ERV3-1: variants seen among roughly 807,000 people sequenced by gnomAD.
The protein encoded by ERV3-1 is endogenous retrovirus group 3 member 1 Env polyprotein.
A neutral mutation model predicts 24.6 loss-of-function variants in ERV3-1; 36 were observed. That is an observed-to-expected ratio of 1.47 (90% CI 1.12 to 1.94). The LOEUF (loss-of-function observed/expected upper bound fraction) is 1.94. Ranked by LOEUF, ERV3-1 falls within the 30% of genes most tolerant of loss-of-function variation. The pLI, the probability that ERV3-1 is intolerant of heterozygous loss-of-function variation, is 0.00. For missense variants in ERV3-1, 578 were observed against 330.9 expected (o/e 1.75, Z -5.79); for synonymous variants, 211 against 122.6 (o/e 1.72, Z -4.76).
chr7:64,990,438 G>C lies in ERV3-1; in HGVS notation c.*774C>G. 5.4e-6 allele frequency: 1 copy of C among 185,706 alleles called. No individual in the cohort carries two copies. Among genetic ancestry groups the C allele is most frequent in the Non-Finnish European group, 1.1e-5 (1 of 88,514 alleles). 11.5% of individuals were successfully genotyped at this position (185,706 alleles called of 1,614,324 possible). On this transcript the variant is annotated 3_prime_UTR_variant, in exon 2 of 2. Transcript: ENST00000394323. The stretch of plus-strand genomic sequence containing the variant: ...AAGGCTGAGCCCTGAACAAAGACAG[G>C]GCTTGACTTTTATACATGCATCAGG...
intron 1 of ERV3-1, among the ~76,000 whole-genome samples, chr7:64,997,973 A>G (rs951386637): frequency 1.3e-5 from 2 of 151,960 alleles, no homozygotes; most frequent in African/African-American, 4.8e-5. Flanking sequence ...CATCTGCCAC[A>G]CTCTGGTGTG....
At chr7:64,994,404 GT>G (rs1277216796) in intron 1 of ERV3-1, among the ~76,000 whole-genome samples, 1 of 152,134 alleles carries the variant, frequency 6.6e-6, no homozygotes, top group African/African-American at 2.4e-5. Flanking sequence ...ATATTTTCCA[GT>G]TTTTTGGGCA....
chr7:64,992,042 A>C lies in ERV3-1; in HGVS notation c.985T>G (p.Ser329Ala), dbSNP rs1277452668. The change falls in exon 2 of 2, where the codon TCA (serine) becomes GCA (alanine). Residue 329 changes from serine (S) to alanine (A), a missense_variant. Coordinates refer to ENST00000394323, the MANE Select transcript of ERV3-1 (RefSeq NM_001007253.4). ...LTASSLEPAPSSQSIWFLKTS... is the reference protein window; with the variant it reads ...LTASSLEPAPASQSIWFLKTS... ...TTTAAGAACCAGATGCTCTGACTTG[A>C]TGGTGCAGGTTCGAGGGAAGAGGCG... The C allele has an allele frequency of 1.3e-6, 1 of 766,402 alleles. No homozygotes were observed. The highest frequency in any genetic ancestry group is 2.4e-6 in the Non-Finnish European group (1 of 417,910). 47.5% of individuals were successfully genotyped at this position (766,402 alleles called of 1,614,324 possible).
chr7:65,005,954 T>C (rs569937066), intron 1 of ERV3-1: 1 of 152,660 alleles, frequency 6.6e-6, no homozygotes, highest in East Asian at 1.9e-4. Flanking sequence ...TCGTACAAAT[T>C]AAGAAACTAC....
At chr7:64,997,103 C>T (rs1786420041) in intron 1 of ERV3-1, among the ~76,000 whole-genome samples, 2 of 152,250 alleles carry the variant, frequency 1.3e-5, no homozygotes, top group Non-Finnish European at 2.9e-5. Flanking sequence ...TCTTGGTTGA[C>T]TTTCAGGTCT....
At position 64,992,587 on chromosome 7, in the gene ERV3-1, T is replaced by G. The variant is rs753181906; in HGVS notation, c.440A>C (p.His147Pro). Residue 147 changes from histidine to proline, a missense_variant, in exon 2 of 2, where the codon CAT becomes CCT. Coordinates refer to ENST00000394323, the MANE Select transcript of ERV3-1 (RefSeq NM_001007253.4). ...FSSMEYYSSC[H>P]KNRYAHPACS... Reference sequence around the variant, plus strand: ...AGCAGGGTGTGCATACCTATTTTTATGGCAGCTACTATAGTACTCCATGGA... The same window carrying G: ...AGCAGGGTGTGCATACCTATTTTTAGGGCAGCTACTATAGTACTCCATGGA... 1 of 766,416 alleles carries G rather than the reference T, an allele frequency of 1.3e-6. No individual in the cohort carries two copies. Among genetic ancestry groups the G allele is most frequent in the East Asian group, 2.4e-5 (1 of 41,238 alleles). 47.5% of individuals were successfully genotyped at this position (766,416 alleles called of 1,614,324 possible). A position where few individuals can be genotyped will look rare whatever the true frequency, so the allele number is the denominator to read the frequency against.
chr7:65,005,413 CAAT>C (rs1786623322), intron 1 of ERV3-1, among the ~76,000 whole-genome samples: 1 of 152,178 alleles, frequency 6.6e-6, no homozygotes, highest in Non-Finnish European at 1.5e-5. Context: ...ACATTTTTTA[CAAT>C]ACAGTGTCAG....
chr7:65,002,424 A>T (rs1786543610), intron 1 of ERV3-1, among the ~76,000 whole-genome samples: 1 of 152,216 alleles, frequency 6.6e-6, no homozygotes, highest in African/African-American at 2.4e-5. Flanking sequence ...CCAAGGTTCA[A>T]GCAATTCTCC....
At position 64,991,377 on chromosome 7, in the gene ERV3-1, A is replaced by C; in HGVS notation, c.1650T>G (p.Asn550Lys). 1.4e-6 allele frequency: 1 copy of C among 704,078 alleles called. No homozygotes were observed. Among genetic ancestry groups the C allele is most frequent in the East Asian group, 2.7e-5 (1 of 37,286 alleles). The allele number at this position is 704,078 out of a possible 1,614,324, so 43.6% of individuals were successfully genotyped here. Residue 550 changes from asparagine to lysine, a missense_variant, in exon 2 of 2, where the codon AAT becomes AAG. Coordinates refer to ENST00000394323, the MANE Select transcript of ERV3-1 (RefSeq NM_001007253.4). ...CTAGGAGGTAGTCTAAGGCCAGTCT[A>C]TTTTGATAAATGACATTTCTCATTT... ...ATKMRNVIYQ[N>K]RLALDYLLAQ...
In ERV3-1 at chr7:64,991,054, T is replaced by C; in HGVS notation, c.*158A>G. ...CATTAGTCGTGTGGTAGTCCGTCTG[T>C]CCACAAGAGCCTCTATGGCTGTTTG... On this transcript the variant is annotated 3_prime_UTR_variant, in exon 2 of 2. Coordinates refer to ENST00000394323, the MANE Select transcript of ERV3-1 (RefSeq NM_001007253.4). The C allele has an allele frequency of 1.8e-6, 1 of 568,712 alleles. No individual in the cohort carries two copies. Among genetic ancestry groups the C allele is most frequent in the Non-Finnish European group, 3.1e-6 (1 of 320,400 alleles). The allele number at this position is 568,712 out of a possible 1,614,324, so 35.2% of individuals were successfully genotyped here. A position where few individuals can be genotyped will look rare whatever the true frequency, so the allele number is the denominator to read the frequency against.
chr7:64,990,987 AAGTAGCTC>A lies in ERV3-1; in HGVS notation c.*217_*224del. ...CACTATCTTCATTTACTTCAAGAGG[AAGTAGCTC>A]TTTTCTTGGCAGGGGTTAATACTTA... On this transcript the variant is annotated 3_prime_UTR_variant, in exon 2 of 2. Coordinates refer to ENST00000394323, the MANE Select transcript of ERV3-1 (RefSeq NM_001007253.4). 2.5e-6 allele frequency: 1 copy of A among 406,836 alleles called. No individual in the cohort carries two copies. The highest frequency in any genetic ancestry group is 4.4e-6 in the Non-Finnish European group (1 of 229,392). 25.2% of individuals were successfully genotyped at this position (406,836 alleles called of 1,614,324 possible).
At position 64,992,553 on chromosome 7, in the gene ERV3-1, G is replaced by A. The variant is rs201400899; in HGVS notation, c.474C>T (p.Thr158=). The A allele has an allele frequency of 6.9e-5, 53 of 766,370 alleles. 1 individual carries two copies. Among genetic ancestry groups the A allele is most frequent in the Middle Eastern group, 2.3e-4 (1 of 4,440 alleles). The allele number at this position is 766,370 out of a possible 1,614,324, so 47.5% of individuals were successfully genotyped here. Residue 158 remains threonine (T), a synonymous_variant, in exon 2 of 2, where the codon ACC becomes ACT. Coordinates refer to ENST00000394323, the MANE Select transcript of ERV3-1 (RefSeq NM_001007253.4). ...CCCAGCAAGTTGTTACTGGGGAATC[G>A]GTGGAACAAGCAGGGTGTGCATACC... ...KNRYAHPACS[T]DSPVTTCWDC...
At chr7:65,004,528 A>C (rs1393895401) in intron 1 of ERV3-1, 1 of 152,196 alleles carries the variant, frequency 6.6e-6, no homozygotes, top group South Asian at 2.1e-4. Context: ...TTTTCTTCTG[A>C]GCCCCACCTC....
Position 64,992,664 on chromosome 7 carries a change from A to G in ERV3-1, c.363T>C (p.Phe121=), listed in dbSNP as rs541173167. Residue 121 remains phenylalanine (F), a synonymous_variant, in exon 2 of 2, where the codon TTT becomes TTC. Coordinates refer to ENST00000394323, the MANE Select transcript of ERV3-1 (RefSeq NM_001007253.4). The stretch of plus-strand genomic sequence containing the variant: ...CCATGGATACTATCTGGCAAACATC[A>G]AAGTATAAGGATACGACATCCTTGC... The part of the protein sequence containing the change: ...PSGKDVVSLY[F]DVCQIVSMGS... The G allele has an allele frequency of 2.6e-6, 2 of 766,274 alleles. No homozygotes were observed. The highest frequency in any genetic ancestry group is 1.7e-5 in the African/African-American group (1 of 59,198). The allele number at this position is 766,274 out of a possible 1,614,324, so 47.5% of individuals were successfully genotyped here.
At chr7:64,994,647 A>G (rs1786365481) in intron 1 of ERV3-1, among the ~76,000 whole-genome samples, 1 of 152,220 alleles carries the variant, frequency 6.6e-6, no homozygotes, top group East Asian at 1.9e-4. Flanking sequence ...TAAGAGCTGT[A>G]GAATTCATTC....
Position 64,992,254 on chromosome 7 carries a change from T to C in ERV3-1, c.773A>G (p.Tyr258Cys), listed in dbSNP as rs752929335. The change falls in exon 2 of 2, where the codon TAT becomes TGT. Residue 258 changes from tyrosine to cysteine, a missense_variant. Physicochemically the swap from Tyr to Cys is radical, Grantham distance 194 (BLOSUM62 -2). Coordinates refer to ENST00000394323, the MANE Select transcript of ERV3-1 (RefSeq NM_001007253.4). ...TQQFRVFESF[Y>C]EHVNQKLPEP... ...AGGCAATTTCTGGTTAACATGCTCA[T>C]AGAATGACTCAAAAACTCGGAACTG... is the stretch of plus-strand genomic sequence containing the variant. 15 of 766,238 alleles carry C rather than the reference T, an allele frequency of 2.0e-5. No homozygotes were observed. Among genetic ancestry groups the C allele is most frequent in the African/African-American group, 1.2e-4 (7 of 59,098 alleles). The allele number at this position is 766,238 out of a possible 1,614,324, so 47.5% of individuals were successfully genotyped here.
intron 1 of ERV3-1, among the ~76,000 whole-genome samples, chr7:64,997,585 T>C (rs1249984679): frequency 6.6e-6 from 1 of 152,106 alleles, no homozygotes; most frequent in Non-Finnish European, 1.5e-5. Context: ...TTGGGCTGCA[T>C]CATTTGGGTC....
rs1466626447 is a variant in ERV3-1, at chr7:64,991,661, C to T, written c.1366G>A (p.Ala456Thr). The change falls in exon 2 of 2, where the codon GCC (alanine) becomes ACC (threonine). Residue 456 changes from alanine (A) to threonine (T), a missense_variant. Transcript: ENST00000394323. ...TCATCATAGATGGGGTATCCTAAGG[C>T]TTCTCCCTGTTTTAGGGGCATTAGG... is the stretch of plus-strand genomic sequence containing the variant. The part of the protein sequence containing the change: ...FFLMPLKQGE[A>T]LGYPIYDETK... 3 of 713,356 alleles carry T rather than the reference C, an allele frequency of 4.2e-6. No homozygotes were observed. Among genetic ancestry groups the T allele is most frequent in the Non-Finnish European group, 7.7e-6 (3 of 390,172 alleles). The allele number at this position is 713,356 out of a possible 1,614,324, so 44.2% of individuals were successfully genotyped here. A position where few individuals can be genotyped will look rare whatever the true frequency, so the allele number is the denominator to read the frequency against.
At chr7:65,001,803 T>C (rs1282595598) in intron 1 of ERV3-1, among the ~76,000 whole-genome samples, 6 of 152,166 alleles carry the variant, frequency 3.9e-5, no homozygotes, top group Admixed American at 3.9e-4. Flanking sequence ...ACCAACACAT[T>C]GTCTAAAATT....
Sources: gnomAD v4.1 joint callset for allele counts (sites outside exome capture counted in the v4.1 genomes callset) on GRCh38, gnomAD v4.1.1 for gene constraint, MANE v1.5 for transcripts, NCBI Gene and HGNC (gene_info 2026-07-23, HGNC 2026-07-21) for gene names.